The following SCNN1B variants were observed in gnomAD, a reference collection of about 807,000 sequenced individuals.
SCNN1B encodes sodium channel epithelial 1 subunit beta.
A neutral mutation model predicts 65.3 loss-of-function variants in SCNN1B; 46 were observed. The ratio of observed to expected loss-of-function variants is 0.70; its 90% CI spans 0.56 to 0.90. The LOEUF (loss-of-function observed/expected upper bound fraction) is 0.90, where lower values mean the gene tolerates loss of function less well. Among genes scored for constraint, SCNN1B ranks in the 40% least tolerant of loss-of-function variants. The pLI is 0.00. For missense variants in SCNN1B, 751 were observed against 830.5 expected, an observed-to-expected ratio of 0.90 and a Z score of 1.18; for synonymous variants, 349 against 330.6, an observed-to-expected ratio of 1.06 and a Z score of -0.60.
intron 1 of SCNN1B, among the ~76,000 whole-genome samples, chr16:23,344,991 C>A (rs152728): frequency 6.7e-6 from 1 of 149,914 alleles, no homozygotes; most frequent in South Asian, 2.1e-4. Context: ...GAGAGCCTGT[C>A]GAGAGAGAGG....
chr16:23,327,783 C>T (rs1394578611), intron 1 of SCNN1B, among the ~76,000 whole-genome samples: 1 of 152,156 alleles, frequency 6.6e-6, no homozygotes, highest in African/African-American at 2.4e-5. Flanking sequence ...AAACCAGGAG[C>T]CCTTCTGGCC....
intron 2 of SCNN1B, among the ~76,000 whole-genome samples, chr16:23,285,941 T>C (rs1960844915): frequency 6.6e-6 from 1 of 152,102 alleles, no homozygotes; most frequent in Non-Finnish European, 1.5e-5. Context: ...GCCACTGCAC[T>C]CCAGCCTGGG....
At chr16:23,364,180 A>G (rs926854380) in intron 4 of SCNN1B, among the ~76,000 whole-genome samples, 3 of 152,186 alleles carry the variant, frequency 2.0e-5, no homozygotes, top group African/African-American at 7.2e-5. Flanking sequence ...ATAAATAAAT[A>G]AATAAATATA....
intron 1 of SCNN1B, chr16:23,303,957 C>T (rs527908261): frequency 1.2e-6 from 1 of 843,108 alleles, no homozygotes; most frequent in African/African-American, 1.7e-5. Flanking sequence ...TACAACCCAC[C>T]TATGTCATTC....
intron 4 of SCNN1B, chr16:23,359,417 A>C (rs1225246865): frequency 6.6e-6 from 1 of 152,240 alleles, no homozygotes; most frequent in Non-Finnish European, 1.5e-5. Context: ...AGCCCTCGGC[A>C]GGTCCCAGTG....
chr16:23,372,657 T>C (rs919621630), intron 7 of SCNN1B, among the ~76,000 whole-genome samples: 1 of 151,796 alleles, frequency 6.6e-6, no homozygotes, highest in Non-Finnish European at 1.5e-5. Flanking sequence ...CTACACCGGC[T>C]AATTTTTTTG....
Position 23,322,797 on chromosome 16 carries a change from T to C in SCNN1B, c.-9+20360T>C, listed in dbSNP as rs550214598. On this transcript the variant is annotated intron_variant, in intron 1 of 12. Transcript: ENST00000343070. ...TTTTAAAATACTTAATTGTGGAAAA[T>C]ACATGTGTATAGCAAAATTTACACT... Among the ~76,000 whole-genome samples, 136 of 152,290 alleles carry C rather than the reference T, an allele frequency of 8.9e-4. 1 individual carries two copies. The highest frequency in any genetic ancestry group is 2.7e-3 in the African/African-American group (111 of 41,568).
chr16:23,296,029 T>A (rs1377104193), intron 2 of SCNN1B, among the ~76,000 whole-genome samples: 6 of 152,136 alleles, frequency 3.9e-5, no homozygotes, highest in Non-Finnish European at 8.8e-5. Context: ...GCGGTTGGAT[T>A]TCTGGGAACA....
intron 1 of SCNN1B, among the ~76,000 whole-genome samples, chr16:23,337,975 G>A (rs559692211): frequency 2.6e-4 from 39 of 152,268 alleles, no homozygotes; most frequent in Admixed American, 2.4e-3. Context: ...AGGACACTGA[G>A]GTGGGAGGAT....
chr16:23,365,628 G>T (rs1199685402), intron 4 of SCNN1B, among the ~76,000 whole-genome samples: 1 of 138,724 alleles, frequency 7.2e-6, no homozygotes, highest in Admixed American at 7.1e-5. Context: ...AAAAAAGAAA[G>T]AAGTCACATC....
intron 4 of SCNN1B, among the ~76,000 whole-genome samples, chr16:23,362,574 C>T (rs1309139442): frequency 1.3e-5 from 2 of 152,154 alleles, no homozygotes; most frequent in South Asian, 2.1e-4. Flanking sequence ...TGGCTCCCAG[C>T]CCAGCAGAGA....
intron 1 of SCNN1B, among the ~76,000 whole-genome samples, chr16:23,336,629 C>T (rs563546082): frequency 6.6e-6 from 1 of 152,210 alleles, no homozygotes; most frequent in East Asian, 1.9e-4. Flanking sequence ...CTCGGCCTCC[C>T]AAAGTGCTGG....
At chr16:23,313,415 A>G (rs910846219) in intron 1 of SCNN1B, among the ~76,000 whole-genome samples, 5 of 152,306 alleles carry the variant, frequency 3.3e-5, no homozygotes, top group African/African-American at 1.2e-4. Context: ...CCCTCTACAA[A>G]GGATCTCATT....
intron 1 of SCNN1B, among the ~76,000 whole-genome samples, chr16:23,328,642 T>C (rs929146000): frequency 2.6e-5 from 4 of 152,194 alleles, no homozygotes; most frequent in Non-Finnish European, 5.9e-5. Flanking sequence ...TCAGCACAGA[T>C]GCAACATCTG....
chr16:23,293,647 C>T (rs766036467), intron 2 of SCNN1B, among the ~76,000 whole-genome samples: 4 of 152,096 alleles, frequency 2.6e-5, no homozygotes, highest in Admixed American at 6.6e-5. Flanking sequence ...ATTAAATGAG[C>T]TGGGCGTGGT....
chr16:23,372,873 G>T (rs1029385644), intron 7 of SCNN1B, among the ~76,000 whole-genome samples: 1 of 147,206 alleles, frequency 6.8e-6, no homozygotes, highest in Non-Finnish European at 1.5e-5. Flanking sequence ...TGCGAAGCGG[G>T]TACATCACTT....
chr16:23,295,065 C>G (rs1411275908), intron 2 of SCNN1B, among the ~76,000 whole-genome samples: 1 of 152,100 alleles, frequency 6.6e-6, no homozygotes, highest in Admixed American at 6.6e-5. Flanking sequence ...TCTGTATAGC[C>G]ATTATTACCA....
At chr16:23,278,760 C>G (rs117985393) in intron 1 of SCNN1B, among the ~76,000 whole-genome samples, 1 of 151,704 alleles carries the variant, frequency 6.6e-6, no homozygotes, top group East Asian at 1.9e-4. Context: ...GTGACCCCCC[C>G]ACCCCTCACA....
chr16:23,355,240 G>T, intron 3 of SCNN1B, 59 bp from the exon 4 acceptor site: 2 of 1,555,180 alleles, frequency 1.3e-6, no homozygotes, highest in Middle Eastern at 1.7e-4. Flanking sequence ...TCGAGCAGTG[G>T]CTGGGGTCCT....
Sources: gnomAD v4.1 joint callset for allele counts (sites outside exome capture counted in the v4.1 genomes callset) on GRCh38, gnomAD v4.1.1 for gene constraint, MANE v1.5 for transcripts, NCBI Gene and HGNC (gene_info 2026-07-23, HGNC 2026-07-21) for gene names.